MTMR8: variants seen among roughly 807,000 people sequenced by gnomAD.
MTMR8 encodes phosphatidylinositol-3,5-bisphosphate 3-phosphatase MTMR8.
In MTMR8, 65 loss-of-function variants were observed where a neutral mutation model predicts 39.3. The observed-to-expected ratio is 1.65, with a 90% CI of 1.35 to 2.03. The LOEUF (loss-of-function observed/expected upper bound fraction) is 2.03, where lower values mean the gene tolerates loss of function less well. Among genes scored for constraint, MTMR8 ranks in the 30% most tolerant of loss-of-function variants. The pLI is 0.00. For synonymous variants in MTMR8, 245 were observed against 185.2 expected (o/e 1.32, Z -2.62); for missense variants, 777 against 538.9 (o/e 1.44, Z -4.37).
intron 12 of MTMR8, among the ~76,000 whole-genome samples, chrX:64,316,781 C>G (rs896278684): frequency 9.0e-6 from 1 of 111,005 alleles, no homozygotes; most frequent in Non-Finnish European, 1.9e-5. Context: ...TGTTTTTCCC[C>G]TATAAGTAAG....
intron 12 of MTMR8, among the ~76,000 whole-genome samples, chrX:64,273,959 G>A (rs906842853): frequency 1.8e-5 from 2 of 111,376 alleles, no homozygotes; most frequent in East Asian, 2.8e-4. Context: ...AATATGTAAA[G>A]CAAACACTGA....
intron 1 of MTMR8, among the ~76,000 whole-genome samples, chrX:64,366,005 G>C (rs1923943143): frequency 9.0e-6 from 1 of 111,674 alleles, no homozygotes; most frequent in African/African-American, 3.3e-5. Flanking sequence ...GATCAAAAGA[G>C]ACAAAGAAGG....
chrX:64,290,974 C>T (rs927370089), intron 12 of MTMR8, among the ~76,000 whole-genome samples: 2 of 111,499 alleles, frequency 1.8e-5, no homozygotes, highest in African/African-American at 6.5e-5. Flanking sequence ...GCATATATGG[C>T]CAAGAGTACA....
At chrX:64,394,904 G>A (rs948140952) in intron 1 of MTMR8, among the ~76,000 whole-genome samples, 4 of 112,479 alleles carry the variant, frequency 3.6e-5, no homozygotes, top group Non-Finnish European at 3.8e-5. Flanking sequence ...GTGGCTGGAG[G>A]AGCCAAGAGG....
chrX:64,345,250 C>T lies in MTMR8; in HGVS notation c.733-73G>A, dbSNP rs766162218. ...GAATGGAGTTCATCAATCTCAATGC[C>T]TCATTCTGAACCGTTTAAAATCCTA... On this transcript the variant is annotated intron_variant, in intron 6 of 13. Coordinates refer to ENST00000374852, the MANE Select transcript of MTMR8 (RefSeq NM_017677.4). The T allele has an allele frequency of 2.1e-5, 22 of 1,054,850 alleles. No homozygotes were observed. In the South Asian group the frequency reaches 4.6e-4, roughly 22 times the overall value. 86.9% of individuals were successfully genotyped at this position (1,054,850 alleles called of 1,213,427 possible).
At chrX:64,335,420 C>T (rs183046999) in intron 10 of MTMR8, among the ~76,000 whole-genome samples, 1 of 112,351 alleles carries the variant, frequency 8.9e-6, no homozygotes, top group East Asian at 2.8e-4. Flanking sequence ...GTATGAGCCA[C>T]TGCACCCGGC....
intron 12 of MTMR8, among the ~76,000 whole-genome samples, chrX:64,304,449 A>T (rs1922009831): frequency 9.0e-6 from 1 of 111,504 alleles, no homozygotes; most frequent in Non-Finnish European, 1.9e-5. Context: ...GATGATACTG[A>T]CTGTCCATCA....
At chrX:64,343,839 T>C (rs1409047757) in intron 7 of MTMR8, 119 bp from the exon 8 acceptor site, 5 of 504,528 alleles carry the variant, frequency 9.9e-6, no homozygotes, top group Admixed American at 3.0e-5. Flanking sequence ...GTTAAATGAT[T>C]AGTTAGAAAC....
chrX:64,380,971 C>A (rs750937211), intron 1 of MTMR8, among the ~76,000 whole-genome samples: 1 of 112,269 alleles, frequency 8.9e-6, no homozygotes, highest in Non-Finnish European at 1.9e-5. Context: ...ATATGTGCCA[C>A]ATTTTCTTAA....
At chrX:64,304,889 T>TAC (rs1922035432) in intron 12 of MTMR8, among the ~76,000 whole-genome samples, 8 of 77,986 alleles carry the variant, frequency 1.0e-4, no homozygotes, top group African/African-American at 3.7e-4. Context: ...TATATATATA[T>TAC]ATATATATAT....
chrX:64,302,289 T>C (rs1921915862), intron 12 of MTMR8, among the ~76,000 whole-genome samples: 2 of 112,512 alleles, frequency 1.8e-5, no homozygotes, highest in Non-Finnish European at 3.8e-5. Flanking sequence ...TTTAAGCCGG[T>C]CTGAAAAGCG....
intron 1 of MTMR8, among the ~76,000 whole-genome samples, chrX:64,367,573 A>G (rs182580422): frequency 4.7e-4 from 53 of 112,071 alleles, no homozygotes; most frequent in African/African-American, 7.4e-4. Context: ...TTCATGCTAA[A>G]AACTCCCAAT....
chrX:64,285,262 A>G (rs1273251526), intron 12 of MTMR8, among the ~76,000 whole-genome samples: 1 of 112,026 alleles, frequency 8.9e-6, no homozygotes, highest in Non-Finnish European at 1.9e-5. Flanking sequence ...CAATTCAACA[A>G]GAAGAGCTAA....
intron 12 of MTMR8, among the ~76,000 whole-genome samples, chrX:64,277,862 A>C (rs1931914439): frequency 1.8e-5 from 2 of 110,594 alleles, no homozygotes; most frequent in Non-Finnish European, 3.8e-5. Flanking sequence ...TTTCAGGTAC[A>C]CCAATCAAAT....
At chrX:64,365,784 C>T (rs866323983) in intron 1 of MTMR8, among the ~76,000 whole-genome samples, 23 of 111,579 alleles carry the variant, frequency 2.1e-4, no homozygotes, top group African/African-American at 7.2e-4. Context: ...TGTAAATGGG[C>T]TAAACACCCC....
chrX:64,325,057 T>TA (rs1922755248), intron 12 of MTMR8, among the ~76,000 whole-genome samples: 1 of 110,813 alleles, frequency 9.0e-6, no homozygotes, highest in African/African-American at 3.3e-5. Context: ...AGATAACCTA[T>TA]AAAAAATGGA....
Position 64,282,742 on chromosome X carries a change from G to C in MTMR8, c.1482-11669C>G, listed in dbSNP as rs1280990484. On this transcript the variant is annotated intron_variant, in intron 12 of 13. Coordinates refer to ENST00000374852, the MANE Select transcript of MTMR8 (RefSeq NM_017677.4). ...TGGGCTACATCAAAATTAAACTTTT[G>C]TGTATCAAAATACACTATCAGAAGA... Among the ~76,000 whole-genome samples, 5 of 111,154 alleles carry C rather than the reference G, an allele frequency of 4.5e-5. No homozygotes were observed. In the Admixed American group the frequency reaches 4.8e-4, roughly 11 times the overall value.
In MTMR8 at chrX:64,334,682, A is replaced by G. The variant is rs73227162; in HGVS notation, c.1151+1397T>C. ...TCCCTACACACCCTTTGACCCAGCC[A>G]CACTGAATTGCTTGCAGCTCCTCAA... On this transcript the variant is annotated intron_variant, in intron 10 of 13. Coordinates refer to ENST00000374852, the MANE Select transcript of MTMR8 (RefSeq NM_017677.4). Among the ~76,000 whole-genome samples, 858 of 107,684 alleles carry G rather than the reference A, an allele frequency of 8.0e-3. 3 individuals carry two copies. Among genetic ancestry groups the G allele is most frequent in the Middle Eastern group, 0.015 (3 of 206 alleles). 93.5% of individuals were successfully genotyped at this position (107,684 alleles called of 115,157 possible). A position where few individuals can be genotyped will look rare whatever the true frequency, so the allele number is the denominator to read the frequency against.
chrX:64,286,612 C>G (rs1386021338), intron 12 of MTMR8, among the ~76,000 whole-genome samples: 1 of 111,847 alleles, frequency 8.9e-6, no homozygotes. Flanking sequence ...AGCTTATCCA[C>G]CATGATCAAG....
Sources: gnomAD v4.1 joint callset for allele counts (sites outside exome capture counted in the v4.1 genomes callset) on GRCh38, gnomAD v4.1.1 for gene constraint, MANE v1.5 for transcripts, NCBI Gene and HGNC (gene_info 2026-07-23, HGNC 2026-07-21) for gene names.